RMDN2: variants seen among roughly 807,000 people sequenced by gnomAD.
RMDN2 encodes the protein regulator of microtubule dynamics 2.
Under a neutral mutation model 52.8 loss-of-function variants are expected in RMDN2, and 61 were observed. The observed-to-expected ratio is 1.16, with a 90% CI of 0.94 to 1.43. The LOEUF (loss-of-function observed/expected upper bound fraction) is 1.43. Ranked by LOEUF, RMDN2 falls within the 40% of genes most tolerant of loss-of-function variation. RMDN2 has a pLI of 0.00. For synonymous variants in RMDN2, 180 were observed against 153.1 expected (o/e 1.18, Z -1.30); for missense variants, 592 against 475.3 (o/e 1.25, Z -2.28).
chr2:38,008,566 T>A (rs1677458225), intron 10 of RMDN2, among the ~76,000 whole-genome samples: 1 of 152,188 alleles, frequency 6.6e-6, no homozygotes, highest in South Asian at 2.1e-4. Flanking sequence ...TTGGTAGATC[T>A]TCCTCCATCC....
chr2:37,966,272 C>T (rs1219979066), intron 2 of RMDN2, among the ~76,000 whole-genome samples: 2 of 152,044 alleles, frequency 1.3e-5, no homozygotes, highest in Admixed American at 6.6e-5. Context: ...CAAAAATTAG[C>T]CAGGTGTGGT....
rs371616211 is a variant in RMDN2, at chr2:37,946,747, A to G, written c.452+17018A>G. Among the ~76,000 whole-genome samples, 3 of 152,270 alleles carry G rather than the reference A, an allele frequency of 2.0e-5. No homozygotes were observed. The East Asian group carries it at 5.8e-4, about 29-fold the overall frequency. On this transcript the variant is annotated intron_variant, in intron 2 of 10. Transcript: ENST00000354545. Reference sequence around the variant, plus strand: ...TTCAATAGTTATTGCCATTTCATATATGAGAGTAAGAACCCTGGTGATTGA... The same window carrying G: ...TTCAATAGTTATTGCCATTTCATATGTGAGAGTAAGAACCCTGGTGATTGA...
intron 8 of RMDN2, among the ~76,000 whole-genome samples, 167 bp from the exon 9 acceptor site, chr2:38,003,824 A>G (rs1021360433): frequency 2.0e-5 from 3 of 152,250 alleles, no homozygotes; most frequent in African/African-American, 7.2e-5. Flanking sequence ...TTTCCACCCA[A>G]AAGATACTTA....
chr2:38,035,660 G>C (rs1034261772), intron 10 of RMDN2, among the ~76,000 whole-genome samples: 1 of 152,178 alleles, frequency 6.6e-6, no homozygotes, highest in Non-Finnish European at 1.5e-5. Context: ...CATGTAAAAT[G>C]AGTTATTCAA....
chr2:38,021,131 C>T (rs1212169226), downstream of RMDN2, among the ~76,000 whole-genome samples: 1 of 152,166 alleles, frequency 6.6e-6, no homozygotes, highest in Admixed American at 6.5e-5. Flanking sequence ...TCTGTAGCTA[C>T]TCTGGTGGCA....
upstream of RMDN2, among the ~76,000 whole-genome samples, chr2:37,925,053 G>T (rs1405549527): frequency 7.2e-5 from 11 of 152,228 alleles, no homozygotes; most frequent in Admixed American, 5.9e-4. Flanking sequence ...ACGCGCTGGG[G>T]CTAGCGCGGA....
intron 6 of RMDN2, among the ~76,000 whole-genome samples, chr2:37,990,031 T>A (rs1010387388): frequency 7.3e-5 from 11 of 150,480 alleles, no homozygotes; most frequent in Non-Finnish European, 1.5e-4. Context: ...TAGTCCCAGC[T>A]ACTCAGGAGG....
At chr2:38,039,763 T>G (rs1001601125) in intron 10 of RMDN2, among the ~76,000 whole-genome samples, 1 of 152,166 alleles carries the variant, frequency 6.6e-6, no homozygotes, top group Non-Finnish European at 1.5e-5. Flanking sequence ...TGCCCTCCCA[T>G]GAACCTAACT....
At chr2:37,982,989 C>G (rs1453998412) in intron 5 of RMDN2, among the ~76,000 whole-genome samples, 2 of 152,034 alleles carry the variant, frequency 1.3e-5, no homozygotes, top group Non-Finnish European at 2.9e-5. Context: ...AGAAAGAACA[C>G]CGAAGTCCTA....
chr2:38,003,881 G>C, intron 8 of RMDN2, 110 bp from the exon 9 acceptor site: 1 of 821,566 alleles, frequency 1.2e-6, no homozygotes, highest in South Asian at 1.5e-5. Context: ...TAAATTCTTA[G>C]GGCAGTTTGG....
chr2:38,060,025 G>A (rs1218641725), intron 10 of RMDN2, among the ~76,000 whole-genome samples: 1 of 152,054 alleles, frequency 6.6e-6, no homozygotes, highest in East Asian at 1.9e-4. Context: ...AGCCTCCCGA[G>A]TAGCTGGGAC....
chr2:38,061,616 G>A (rs970735827), intron 10 of RMDN2, among the ~76,000 whole-genome samples: 4 of 127,532 alleles, frequency 3.1e-5, no homozygotes, highest in South Asian at 2.6e-4. Context: ...ATTCTAAACA[G>A]TGCCCCCTCA....
chr2:37,990,998 T>G (rs940202173), intron 6 of RMDN2, among the ~76,000 whole-genome samples: 1 of 152,236 alleles, frequency 6.6e-6, no homozygotes, highest in Non-Finnish European at 1.5e-5. Flanking sequence ...GGCTTTAAAT[T>G]ACACATAGCT....
intron 2 of RMDN2, among the ~76,000 whole-genome samples, chr2:37,933,667 C>CA (rs1415471434): frequency 6.6e-6 from 1 of 152,228 alleles, no homozygotes; most frequent in Non-Finnish European, 1.5e-5. Flanking sequence ...AGGCACTTGG[C>CA]AGGCTGAGGC....
intron 10 of RMDN2, among the ~76,000 whole-genome samples, chr2:38,033,763 C>G (rs1376806584): frequency 3.3e-5 from 5 of 152,188 alleles, no homozygotes; most frequent in African/African-American, 9.7e-5. Context: ...TCAGATCAGT[C>G]ATTTCATGGG....
intron 4 of RMDN2, 44 bp downstream of exon 4, chr2:37,975,358 T>G: frequency 2.0e-5 from 23 of 1,145,010 alleles, no homozygotes; most frequent in Non-Finnish European, 2.9e-5. Flanking sequence ...AATTAAGATC[T>G]ATAGTAAATC....
At chr2:37,935,757 A>C (rs1310320751) in intron 2 of RMDN2, among the ~76,000 whole-genome samples, 2 of 152,098 alleles carry the variant, frequency 1.3e-5, no homozygotes, top group Non-Finnish European at 1.5e-5. Flanking sequence ...TTTTGCAATA[A>C]ATTTTTTTGA....
intron 10 of RMDN2, among the ~76,000 whole-genome samples, chr2:38,042,397 C>G (rs1681011190): frequency 7.9e-6 from 1 of 126,478 alleles, no homozygotes; most frequent in African/African-American, 3.9e-5. Flanking sequence ...CCAAAACCTC[C>G]CCCCGCCACA....
intron 10 of RMDN2, among the ~76,000 whole-genome samples, chr2:38,046,644 C>G (rs1462609638): frequency 1.3e-5 from 2 of 152,084 alleles, no homozygotes; most frequent in African/African-American, 4.8e-5. Context: ...AAAAAGACTT[C>G]TTATATTCAG....
Sources: gnomAD v4.1 joint callset for allele counts (sites outside exome capture counted in the v4.1 genomes callset) on GRCh38, gnomAD v4.1.1 for gene constraint, MANE v1.5 for transcripts, NCBI Gene and HGNC (gene_info 2026-07-23, HGNC 2026-07-21) for gene names.